Variants in ZFHX4 observed in about 807,000 individuals in gnomAD.
ZFHX4 encodes zinc finger homeobox protein 4.
ZFHX4 carries 56 observed loss-of-function variants against 267.6 expected under a neutral mutation model. The ratio of observed to expected loss-of-function variants is 0.21; its 90% CI spans 0.17 to 0.26. The LOEUF (loss-of-function observed/expected upper bound fraction) is 0.26, where lower values mean the gene tolerates loss of function less well. ZFHX4 is among the 10% of genes least tolerant of loss of function. The pLI is 1.00. For missense variants in ZFHX4, 4,332 were observed against 4,420.0 expected (o/e 0.98, Z 0.56); for synonymous variants, 1,778 against 1,665.6 (o/e 1.07, Z -1.64).
intron 3 of ZFHX4, among the ~76,000 whole-genome samples, chr8:76,770,331 G>A (rs1299429635): frequency 6.6e-6 from 1 of 152,072 alleles, no homozygotes; most frequent in African/African-American, 2.4e-5. Flanking sequence ...CTAGAAATCA[G>A]AGTTATTTTT....
At chr8:76,820,605 A>G (rs1811623974) in intron 4 of ZFHX4, among the ~76,000 whole-genome samples, 1 of 152,178 alleles carries the variant, frequency 6.6e-6, no homozygotes, top group African/African-American at 2.4e-5. Flanking sequence ...AAATCCTAAA[A>G]TACATGTGCC....
chr8:76,686,696 T>A (rs776495161), intron 1 of ZFHX4, among the ~76,000 whole-genome samples: 8 of 152,208 alleles, frequency 5.3e-5, no homozygotes, highest in Non-Finnish European at 1.0e-4. Flanking sequence ...TGAGAACAAA[T>A]TCTTTCTTAA....
intron 3 of ZFHX4, among the ~76,000 whole-genome samples, chr8:76,739,567 G>A (rs938320306): frequency 9.2e-5 from 14 of 152,084 alleles, no homozygotes; most frequent in Non-Finnish European, 1.6e-4. Context: ...GAGTGATCAG[G>A]AAAGGCTTCA....
intron 3 of ZFHX4, among the ~76,000 whole-genome samples, chr8:76,737,004 GA>G (rs1449870086): frequency 2.0e-5 from 3 of 152,082 alleles, no homozygotes; most frequent in African/African-American, 7.2e-5. Context: ...CCTCCCTCCT[GA>G]AGCTGATTAC....
chr8:76,867,219 T>G lies in ZFHX4; in HGVS notation c.*2654T>G, dbSNP rs1042299886. ...TAGATGGTATTTGAACTTATTCTTC[T>G]GGAAATAGTTCATCAAGTATGTTTG... On this transcript the variant is annotated 3_prime_UTR_variant, in exon 11 of 11. Coordinates refer to ENST00000651372, the MANE Select transcript of ZFHX4 (RefSeq NM_024721.5). 1 of 152,770 alleles carries G rather than the reference T, an allele frequency of 6.5e-6. No homozygotes were observed. The highest frequency in any genetic ancestry group is 2.1e-4 in the South Asian group (1 of 4,832). The allele number at this position is 152,770 out of a possible 1,614,324, so 9.5% of individuals were successfully genotyped here.
chr8:76,789,400 A>G (rs1435113574), intron 4 of ZFHX4, among the ~76,000 whole-genome samples: 3 of 152,192 alleles, frequency 2.0e-5, no homozygotes, highest in Admixed American at 6.5e-5. Flanking sequence ...TGCAAAAACA[A>G]TATTTTGTCA....
intron 3 of ZFHX4, among the ~76,000 whole-genome samples, chr8:76,771,596 G>A (rs1300312723): frequency 2.0e-5 from 3 of 151,964 alleles, no homozygotes. Context: ...CTGCCACCAT[G>A]CCTGGCTAAT....
At chr8:76,839,384 CTTCT>C (rs1277932387) in intron 5 of ZFHX4, among the ~76,000 whole-genome samples, 2 of 151,972 alleles carry the variant, frequency 1.3e-5, no homozygotes, top group Non-Finnish European at 2.9e-5. Flanking sequence ...AGTATTTTGC[CTTCT>C]TTCTATTATT....
chr8:76,706,348 G>A lies in ZFHX4; in HGVS notation c.2260G>A (p.Gly754Arg), dbSNP rs771826272. ...CCCCAACACCAGCCTCAGTGGCTGC[G>A]GAACACCCTCTCCGTCCAAACCCAA... Reference protein sequence around the residue: ...PAPNTSLSGCGTPSPSKPKQK... With the variant: ...PAPNTSLSGCRTPSPSKPKQK... Residue 754 changes from glycine (G) to arginine (R), a missense_variant, in exon 2 of 11, where the codon GGA (glycine) becomes AGA (arginine). Physicochemically the swap from Gly to Arg is moderately radical, Grantham distance 125. Coordinates refer to ENST00000651372, the MANE Select transcript of ZFHX4 (RefSeq NM_024721.5). The A allele has an allele frequency of 1.9e-6, 3 of 1,613,986 alleles. No individual in the cohort carries two copies. The Admixed American group carries it at 5.0e-5, about 27-fold the overall frequency.
intron 4 of ZFHX4, among the ~76,000 whole-genome samples, chr8:76,794,360 A>G (rs1810916739): frequency 1.3e-5 from 2 of 152,110 alleles, no homozygotes; most frequent in African/African-American, 2.4e-5. Context: ...TTTGTGTCAG[A>G]TTTTGTTCTC....
chr8:76,786,109 T>C (rs146150180), intron 4 of ZFHX4, among the ~76,000 whole-genome samples: 40 of 152,264 alleles, frequency 2.6e-4, no homozygotes, highest in African/African-American at 8.9e-4. Context: ...ACAGCTCCAT[T>C]ATTTCAGTAA....
At position 76,704,073 on chromosome 8, in the gene ZFHX4, C is replaced by T. The variant is rs1563469401; in HGVS notation, c.-16C>T. ...TGACAGGCTGGATGAAATGAGATCCCCATGTAGCAATTGCCATGGAAACCT... is the reference window on the plus strand; with the variant it reads ...TGACAGGCTGGATGAAATGAGATCCTCATGTAGCAATTGCCATGGAAACCT... On this transcript the variant is annotated 5_prime_UTR_variant, in exon 2 of 11. Coordinates refer to ENST00000651372, the MANE Select transcript of ZFHX4 (RefSeq NM_024721.5). 6.3e-7 allele frequency: 1 copy of T among 1,590,800 alleles called. No individual in the cohort carries two copies. The highest frequency in any genetic ancestry group is 1.3e-5 in the African/African-American group (1 of 74,188).
rs575598217 is a variant in ZFHX4 at position 76,802,433 on chromosome 8, G to A, written c.3325+23994G>A. On this transcript the variant is annotated intron_variant, in intron 4 of 10. Transcript: ENST00000651372. ...GTATTTAAGCTAGAGGCAAGAAAAC[G>A]CATATGTACTTGTAGCATAAAAAAA... Among the ~76,000 whole-genome samples the A allele has an allele frequency of 9.2e-5, 14 of 152,250 alleles. No individual in the cohort carries two copies. The South Asian group carries it at 2.5e-3, about 27-fold the overall frequency.
chr8:76,828,998 T>G (rs1811858272), intron 4 of ZFHX4, among the ~76,000 whole-genome samples: 1 of 152,094 alleles, frequency 6.6e-6, no homozygotes, highest in Non-Finnish European at 1.5e-5. Flanking sequence ...GATGTGGAGG[T>G]TTTGCAGGCA....
chr8:76,850,604 G>C (rs534155953), intron 9 of ZFHX4, among the ~76,000 whole-genome samples: 7 of 152,298 alleles, frequency 4.6e-5, no homozygotes, highest in African/African-American at 1.4e-4. Context: ...TGAACACCAA[G>C]GGATGGCCCT....
chr8:76,826,949 T>C (rs1039394216), intron 4 of ZFHX4, among the ~76,000 whole-genome samples: 2 of 152,234 alleles, frequency 1.3e-5, no homozygotes, highest in Non-Finnish European at 2.9e-5. Flanking sequence ...AAGGCTATTA[T>C]TGGGTGGAAG....
At chr8:76,698,073 T>A (rs1425001519) in intron 1 of ZFHX4, among the ~76,000 whole-genome samples, 1 of 152,118 alleles carries the variant, frequency 6.6e-6, no homozygotes, top group East Asian at 1.9e-4. Context: ...GCTGGAATAC[T>A]AGCAAAACAG....
At chr8:76,773,501 C>CT (rs1419251069) in intron 3 of ZFHX4, among the ~76,000 whole-genome samples, 1 of 152,046 alleles carries the variant, frequency 6.6e-6, no homozygotes, top group Non-Finnish European at 1.5e-5. Flanking sequence ...TATTCTAGCG[C>CT]TTTGACAGGT....
chr8:76,815,732 C>A (rs919723603), intron 4 of ZFHX4, among the ~76,000 whole-genome samples: 1 of 152,072 alleles, frequency 6.6e-6, no homozygotes, highest in Non-Finnish European at 1.5e-5. Flanking sequence ...AACTACTGGG[C>A]TCCAGAAATT....
Sources: allele counts gnomAD v4.1 joint callset (sites outside exome capture counted in the v4.1 genomes callset), GRCh38; gene constraint gnomAD v4.1.1; transcripts MANE v1.5; gene names NCBI Gene and HGNC (gene_info 2026-07-23, HGNC 2026-07-21).